PACSIN2: variants seen among roughly 807,000 people sequenced by gnomAD.
PACSIN2 encodes protein kinase C and casein kinase substrate in neurons 2.
Under a neutral mutation model 63.8 loss-of-function variants are expected in PACSIN2, and 25 were observed. The observed-to-expected ratio is 0.39, with a 90% confidence interval of 0.29 to 0.55. The LOEUF is 0.55. Among genes scored for constraint, PACSIN2 ranks in the 20% least tolerant of loss-of-function variants. The pLI is 0.62. For synonymous variants in PACSIN2, 255 were observed against 256.2 expected, an observed-to-expected ratio of 1.00 and a Z score of 0.05; for missense variants, 518 against 646.9, an observed-to-expected ratio of 0.80 and a Z score of 2.16.
chr22:42,895,132 G>C (rs1217619521), intron 2 of PACSIN2, among the ~76,000 whole-genome samples: 2 of 152,194 alleles, frequency 1.3e-5, no homozygotes, highest in Non-Finnish European at 2.9e-5. Context: ...AGCAAGGCTG[G>C]CAGCTCGGCA....
intron 1 of PACSIN2, among the ~76,000 whole-genome samples, chr22:42,987,639 C>T (rs1384899757): frequency 6.9e-6 from 1 of 144,858 alleles, no homozygotes; most frequent in Non-Finnish European, 1.5e-5. Context: ...TCAAGCGATT[C>T]TCCTGCCTCA....
intron 1 of PACSIN2, among the ~76,000 whole-genome samples, chr22:42,924,606 A>C (rs1486077584): frequency 2.6e-5 from 4 of 151,544 alleles, no homozygotes; most frequent in African/African-American, 9.7e-5. Flanking sequence ...CCAACCCGCC[A>C]CCACTGCTGT....
At chr22:42,898,758 G>T (rs2146688719) in intron 2 of PACSIN2, among the ~76,000 whole-genome samples, 1 of 152,220 alleles carries the variant, frequency 6.6e-6, no homozygotes, top group East Asian at 1.9e-4. Flanking sequence ...CCCTCTCAGT[G>T]AGCCAGGCTT....
intron 1 of PACSIN2, among the ~76,000 whole-genome samples, chr22:42,984,277 C>T (rs1922454987): frequency 1.3e-5 from 2 of 151,012 alleles, no homozygotes; most frequent in Admixed American, 1.3e-4. Flanking sequence ...CTACCTAGCA[C>T]TTAGCACTTT....
intron 1 of PACSIN2, among the ~76,000 whole-genome samples, chr22:42,927,989 G>A (rs1361553617): frequency 3.9e-5 from 6 of 152,160 alleles, no homozygotes; most frequent in East Asian, 3.8e-4. Flanking sequence ...GTCCTCAGGC[G>A]GAGCCCAGGT....
intron 1 of PACSIN2, among the ~76,000 whole-genome samples, chr22:42,920,135 G>GA (rs762537875): frequency 4.0e-5 from 6 of 151,830 alleles, no homozygotes; most frequent in Non-Finnish European, 7.4e-5. Flanking sequence ...TTAAAAATAA[G>GA]AAAGAATCTA....
intron 2 of PACSIN2, chr22:42,909,541 C>T (rs549377271): frequency 5.1e-5 from 24 of 471,110 alleles, no homozygotes; most frequent in South Asian, 3.7e-4. Context: ...GGCGGACGAC[C>T]ACAGCACTGC....
At chr22:42,948,607 C>G (rs1357909350) in intron 1 of PACSIN2, among the ~76,000 whole-genome samples, 2 of 152,062 alleles carry the variant, frequency 1.3e-5, no homozygotes, top group Non-Finnish European at 2.9e-5. Context: ...CTGTGAGTAG[C>G]CACTGTACTC....
At chr22:42,927,549 CCA>C (rs1203133517) in intron 1 of PACSIN2, among the ~76,000 whole-genome samples, 2 of 149,706 alleles carry the variant, frequency 1.3e-5, no homozygotes, top group African/African-American at 5.0e-5. Context: ...ACGCCTGGCC[CCA>C]GTCTTTTATT....
At chr22:42,919,772 C>CAAAAAAAAAAAAA (rs761464603) in intron 1 of PACSIN2, among the ~76,000 whole-genome samples, 1 of 48,786 alleles carries the variant, frequency 2.0e-5, no homozygotes, top group African/African-American at 6.3e-5. Context: ...GAACCTGTCT[C>CAAAAAAAAAAAAA]AAAAAAAAAA....
intron 1 of PACSIN2, among the ~76,000 whole-genome samples, chr22:43,006,285 C>T (rs1043794196): frequency 1.6e-4 from 25 of 152,184 alleles, no homozygotes; most frequent in Admixed American, 6.5e-5. Context: ...GCCACCGCAT[C>T]TTTGTTATAG....
intron 1 of PACSIN2, among the ~76,000 whole-genome samples, chr22:42,936,766 C>T (rs947566385): frequency 2.0e-5 from 3 of 151,852 alleles, no homozygotes; most frequent in Admixed American, 1.3e-4. Context: ...CAAAAATTAG[C>T]CAGGTGTGGC....
At chr22:42,953,388 T>C (rs1301270207) in intron 1 of PACSIN2, among the ~76,000 whole-genome samples, 6 of 151,954 alleles carry the variant, frequency 3.9e-5, no homozygotes, top group East Asian at 1.9e-4. Flanking sequence ...CTACAGCCAA[T>C]AGAAATTACA....
intron 1 of PACSIN2, among the ~76,000 whole-genome samples, chr22:42,958,386 G>A (rs1028850647): frequency 3.9e-5 from 6 of 152,116 alleles, no homozygotes; most frequent in Admixed American, 2.0e-4. Context: ...GTGGGCAAAC[G>A]GGTCTCAAAG....
intron 3 of PACSIN2, among the ~76,000 whole-genome samples, chr22:42,893,016 T>C (rs1930021648): frequency 6.6e-6 from 1 of 152,220 alleles, no homozygotes; most frequent in Non-Finnish European, 1.5e-5. Flanking sequence ...ACACCTGTAA[T>C]TATTCCCTTA....
chr22:42,874,996 G>A (rs943639167), intron 10 of PACSIN2, among the ~76,000 whole-genome samples: 1 of 151,298 alleles, frequency 6.6e-6, no homozygotes, highest in Non-Finnish European at 1.5e-5. Flanking sequence ...GACTACAGGC[G>A]GCTGCCACCA....
intron 1 of PACSIN2, among the ~76,000 whole-genome samples, chr22:42,935,082 A>AT (rs780923075): frequency 6.6e-4 from 92 of 139,954 alleles, no homozygotes; most frequent in Middle Eastern, 7.6e-3. Context: ...CGCCCGGCTA[A>AT]TTTTTTTTTT....
rs1927968171 is a variant in PACSIN2 at position 42,870,014 on chromosome 22, A to G, written c.*1343T>C. 1 of 152,056 alleles carries G rather than the reference A, an allele frequency of 6.6e-6. No individual in the cohort carries two copies. Among genetic ancestry groups the G allele is most frequent in the Non-Finnish European group, 1.5e-5 (1 of 68,008 alleles). The allele number at this position is 152,056 out of a possible 1,614,324, so 9.4% of individuals were successfully genotyped here. A position where few individuals can be genotyped will look rare whatever the true frequency, so the allele number is the denominator to read the frequency against. ...GGCGGGCACTGCTGAGTCACGTGAA[A>G]CACAGGTTCCCCCACGTTCCCCCCA... is the stretch of plus-strand genomic sequence containing the variant. On this transcript the variant is annotated 3_prime_UTR_variant, in exon 11 of 11. Coordinates refer to ENST00000263246, the MANE Select transcript of PACSIN2 (RefSeq NM_001184970.3).
intron 1 of PACSIN2, among the ~76,000 whole-genome samples, chr22:42,912,594 A>C (rs1931535698): frequency 2.6e-5 from 4 of 152,324 alleles, no homozygotes; most frequent in Middle Eastern, 6.8e-3. Flanking sequence ...TGAAGCCACA[A>C]ATTCAGACCA....
Sources: gnomAD v4.1 joint callset for allele counts (sites outside exome capture counted in the v4.1 genomes callset) on GRCh38, gnomAD v4.1.1 for gene constraint, MANE v1.5 for transcripts, NCBI Gene and HGNC (gene_info 2026-07-23, HGNC 2026-07-21) for gene names.